CABIN1: variants seen among roughly 807,000 people sequenced by gnomAD.
The protein encoded by CABIN1 is calcineurin binding protein 1.
Under a neutral mutation model 227.7 loss-of-function variants are expected in CABIN1, and 133 were observed. The ratio of observed to expected loss-of-function variants is 0.58; its 90% CI spans 0.51 to 0.67. The LOEUF (loss-of-function observed/expected upper bound fraction) is 0.67. Among genes scored for constraint, CABIN1 ranks in the 30% least tolerant of loss-of-function variants. The probability of loss-of-function intolerance (pLI) is 0.00; values close to 1 mark genes in which losing one functional copy is unlikely to be tolerated. For missense variants in CABIN1, 2,408 were observed against 2,852.5 expected, an observed-to-expected ratio of 0.84 and a Z score of 3.55; for synonymous variants, 1,086 against 1,155.1, an observed-to-expected ratio of 0.94 and a Z score of 1.21.
chr22:24,073,122 T>C (rs565970425), intron 18 of CABIN1, among the ~76,000 whole-genome samples: 1 of 152,114 alleles, frequency 6.6e-6, no homozygotes, highest in Non-Finnish European at 1.5e-5. Flanking sequence ...AGACCCTTAA[T>C]GGAGATGGCA....
rs553532654 is a variant in CABIN1 at position 24,018,276 on chromosome 22, T to C, written c.-75+6909T>C. On this transcript the variant is annotated intron_variant, in intron 1 of 36. Transcript: ENST00000263119. ...TAATTTTTTTTCTGAGTTTTTAAAT[T>C]TTTTTTTGTCATGCAAAAATTTTTA... Among the ~76,000 whole-genome samples, 119 of 152,170 alleles carry C rather than the reference T, an allele frequency of 7.8e-4. 2 individuals carry two copies. The South Asian group carries it at 0.024, about 31-fold the overall frequency.
chr22:24,014,146 C>T (rs1188304726), intron 1 of CABIN1, among the ~76,000 whole-genome samples: 3 of 152,198 alleles, frequency 2.0e-5, no homozygotes, highest in Non-Finnish European at 4.4e-5. Context: ...ACTTTAGCAT[C>T]CATCTGCAGA....
chr22:24,125,730 C>T lies in CABIN1; in HGVS notation c.4632+6032C>T, dbSNP rs1376172412. On this transcript the variant is annotated intron_variant, in intron 28 of 36. Transcript: ENST00000263119. ...CACAAAATGGTGGTGTGCCCTGCAT[C>T]CTCACATGGATGTCCTAGGCTGCTG... Among the ~76,000 whole-genome samples, 3 of 152,238 alleles carry T rather than the reference C, an allele frequency of 2.0e-5. No individual in the cohort carries two copies. In the East Asian group the frequency reaches 5.8e-4, roughly 29 times the overall value.
chr22:24,112,333 C>T (rs1188459505), intron 26 of CABIN1, among the ~76,000 whole-genome samples: 2 of 152,134 alleles, frequency 1.3e-5, no homozygotes, highest in African/African-American at 4.8e-5. Flanking sequence ...TTTGTTGTTG[C>T]TATGGTTACC....
intron 15 of CABIN1, among the ~76,000 whole-genome samples, chr22:24,064,597 G>A (rs577847840): frequency 1.3e-5 from 2 of 148,166 alleles, no homozygotes; most frequent in South Asian, 2.2e-4. Context: ...GACAATAGTG[G>A]AGGGAAGGTC....
chr22:24,058,973 C>A (rs2038999488), intron 10 of CABIN1, among the ~76,000 whole-genome samples: 1 of 152,230 alleles, frequency 6.6e-6, no homozygotes, highest in African/African-American at 2.4e-5. Context: ...TAGCACAGTG[C>A]CTGGCACATA....
chr22:24,109,106 T>C (rs577193008), intron 26 of CABIN1, among the ~76,000 whole-genome samples: 2 of 152,330 alleles, frequency 1.3e-5, no homozygotes, highest in African/African-American at 4.8e-5. Context: ...TAAATAATTA[T>C]GGCATTTACA....
In CABIN1 at chr22:24,059,917, C is replaced by T. The variant is rs200015204; in HGVS notation, c.1400-7C>T. On this transcript the variant is annotated splice_polypyrimidine_tract_variant and splice_region_variant and intron_variant, in intron 11 of 36. Transcript: ENST00000263119. ...TTCAAGTCAGGTTGTTCTTGCTCCC[C>T]GGGCAGAAAAGCAGGACGTGCATGA... 5.1e-5 allele frequency: 82 copies of T among 1,613,700 alleles called. No individual in the cohort carries two copies. The highest frequency in any genetic ancestry group is 2.7e-4 in the African/African-American group (20 of 75,018).
intron 29 of CABIN1, among the ~76,000 whole-genome samples, chr22:24,157,189 AG>A (rs1268220955): frequency 6.6e-6 from 1 of 152,054 alleles, no homozygotes; most frequent in Non-Finnish European, 1.5e-5. Flanking sequence ...TCCTGTCCCT[AG>A]GGGTGTTCAA....
At chr22:24,040,112 C>T (rs1187472818) in intron 4 of CABIN1, among the ~76,000 whole-genome samples, 1 of 152,204 alleles carries the variant, frequency 6.6e-6, no homozygotes, top group Non-Finnish European at 1.5e-5. Flanking sequence ...CTCACTTAGT[C>T]TCTGTAAATT....
At chr22:24,157,211 T>G (rs1340771756) in intron 29 of CABIN1, among the ~76,000 whole-genome samples, 1 of 152,148 alleles carries the variant, frequency 6.6e-6, no homozygotes, top group Admixed American at 6.5e-5. Flanking sequence ...CCTGGCCTGC[T>G]TCTGGGGCCC....
intron 13 of CABIN1, among the ~76,000 whole-genome samples, chr22:24,062,592 C>G (rs1427350417): frequency 6.6e-6 from 1 of 152,112 alleles, no homozygotes; most frequent in Non-Finnish European, 1.5e-5. Flanking sequence ...TTCCTGACCT[C>G]TAGTAATCCG....
chr22:24,093,236 T>A (rs75787092), intron 24 of CABIN1, among the ~76,000 whole-genome samples: 4,443 of 152,352 alleles, frequency 0.029, 122 homozygotes, highest in Non-Finnish European at 0.042. Context: ...TAATATTTGC[T>A]AATTTTGTGA....
At chr22:24,152,094 T>C (rs2045518522) in intron 29 of CABIN1, among the ~76,000 whole-genome samples, 1 of 152,164 alleles carries the variant, frequency 6.6e-6, no homozygotes. Flanking sequence ...GCATGTGCCG[T>C]CCCCGTGGAT....
At chr22:24,092,028 T>C (rs2041579599) in intron 24 of CABIN1, 185 bp downstream of exon 24, 2 of 702,014 alleles carry the variant, frequency 2.8e-6, no homozygotes, top group East Asian at 5.5e-5. Context: ...AAGGGGTGTT[T>C]ATCATCCTTT....
At chr22:24,048,983 C>T in intron 6 of CABIN1, 108 bp from the exon 7 acceptor site, 5 of 1,290,710 alleles carry the variant, frequency 3.9e-6, no homozygotes, top group Non-Finnish European at 5.6e-6. Context: ...TTATTTTTTA[C>T]CAGGCATTTC....
intron 35 of CABIN1, 44 bp downstream of exon 35, chr22:24,176,319 T>G (rs1167913237): frequency 6.4e-7 from 1 of 1,565,236 alleles, no homozygotes. Flanking sequence ...CCCAGGAGGC[T>G]GCCTCACAGC....
intron 29 of CABIN1, among the ~76,000 whole-genome samples, chr22:24,136,672 C>G (rs549667102): frequency 6.6e-6 from 1 of 151,086 alleles, no homozygotes; most frequent in East Asian, 1.9e-4. Flanking sequence ...GGCCTCCCAT[C>G]CCTTATTGAT....
chr22:24,070,709 C>T, intron 16 of CABIN1, 91 bp from the exon 17 acceptor site: 2 of 1,581,010 alleles, frequency 1.3e-6, no homozygotes, highest in Non-Finnish European at 1.7e-6. Flanking sequence ...TGCTGCCCCT[C>T]ATCTGTTTTC....
Sources: gnomAD v4.1 joint callset for allele counts (sites outside exome capture counted in the v4.1 genomes callset) on GRCh38, gnomAD v4.1.1 for gene constraint, MANE v1.5 for transcripts, NCBI Gene and HGNC (gene_info 2026-07-23, HGNC 2026-07-21) for gene names.